The following MEGF9 variants were observed in gnomAD, a reference collection of about 807,000 sequenced individuals.
The protein encoded by MEGF9 is multiple EGF like domains 9, also known as multiple epidermal growth factor-like domains protein 9.
MEGF9 carries 6 observed loss-of-function variants against 46.8 expected under a neutral mutation model. That is an observed-to-expected ratio of 0.13 (90% CI 0.07 to 0.25). The LOEUF (loss-of-function observed/expected upper bound fraction) is 0.25, where lower values mean the gene tolerates loss of function less well. Ranked by LOEUF, MEGF9 falls within the 10% of genes least tolerant of loss-of-function variation. The pLI is 1.00. For synonymous variants in MEGF9, 302 were observed against 330.7 expected (o/e 0.91, Z 0.94); for missense variants, 683 against 792.4 (o/e 0.86, Z 1.66).
intron 2 of MEGF9, among the ~76,000 whole-genome samples, chr9:120,654,036 C>A (rs866177770): frequency 6.6e-6 from 1 of 152,084 alleles, no homozygotes; most frequent in Admixed American, 6.6e-5. Context: ...GTTTTTAGGA[C>A]GGAGGCTGGG....
intron 1 of MEGF9, among the ~76,000 whole-genome samples, chr9:120,669,106 G>A (rs2043737710): frequency 6.6e-6 from 1 of 151,826 alleles, no homozygotes; most frequent in Non-Finnish European, 1.5e-5. Context: ...TATTGTTTTT[G>A]GTTTACAAAA....
chr9:120,714,424 A>C lies in MEGF9; in HGVS notation c.-66T>G. 1 of 1,207,542 alleles carries C rather than the reference A, an allele frequency of 8.3e-7. No homozygotes were observed. The highest frequency in any genetic ancestry group is 1.0e-6 in the Non-Finnish European group (1 of 958,654). 74.8% of individuals were successfully genotyped at this position (1,207,542 alleles called of 1,614,324 possible). A position where few individuals can be genotyped will look rare whatever the true frequency, so the allele number is the denominator to read the frequency against. On this transcript the variant is annotated 5_prime_UTR_variant, in exon 1 of 6. Coordinates refer to ENST00000373930, the MANE Select transcript of MEGF9 (RefSeq NM_001080497.3). ...GCAATCCGACCAAGGAAGCCTCCGC[A>C]ACCGCCGCCGCCACCGCCACCGGGC...
rs552466769 is a variant in MEGF9, at chr9:120,603,916, A to G, written c.*1274T>C. 6.5e-6 allele frequency: 1 copy of G among 152,782 alleles called. No homozygotes were observed. Among genetic ancestry groups the G allele is most frequent in the South Asian group, 2.1e-4 (1 of 4,828 alleles). 9.5% of individuals were successfully genotyped at this position (152,782 alleles called of 1,614,324 possible). A position where few individuals can be genotyped will look rare whatever the true frequency, so the allele number is the denominator to read the frequency against. On this transcript the variant is annotated 3_prime_UTR_variant, in exon 6 of 6. Coordinates refer to ENST00000373930, the MANE Select transcript of MEGF9 (RefSeq NM_001080497.3). ...GGTGAGGGAGGATTATAAATATTTC[A>G]TAGGCATGAAAACTACAGATCCCAA...
chr9:120,652,338 G>A (rs551193930), intron 2 of MEGF9, among the ~76,000 whole-genome samples: 3 of 151,272 alleles, frequency 2.0e-5, no homozygotes, highest in African/African-American at 4.8e-5. Context: ...ATAGGCAGGC[G>A]TGGTGGTGCA....
intron 1 of MEGF9, chr9:120,691,286 G>C (rs2043846849): frequency 3.4e-6 from 1 of 290,292 alleles, no homozygotes; most frequent in African/African-American, 2.3e-5. Context: ...GGCAGGACTG[G>C]CCATGGAGTG....
chr9:120,619,978 G>A (rs566004783), intron 3 of MEGF9, among the ~76,000 whole-genome samples: 4 of 152,306 alleles, frequency 2.6e-5, no homozygotes, highest in African/African-American at 4.8e-5. Flanking sequence ...GTCACTTGAC[G>A]AGAGTGGTTT....
intron 2 of MEGF9, among the ~76,000 whole-genome samples, chr9:120,648,931 C>T (rs1018518057): frequency 6.6e-6 from 1 of 152,150 alleles, no homozygotes; most frequent in Non-Finnish European, 1.5e-5. Flanking sequence ...AATTAAAATG[C>T]AAAATAGTAA....
chr9:120,629,712 C>T (rs771430671), intron 2 of MEGF9, among the ~76,000 whole-genome samples: 7 of 151,872 alleles, frequency 4.6e-5, no homozygotes, highest in Admixed American at 2.0e-4. Context: ...GGAGGATGGA[C>T]CACCTGAGGT....
chr9:120,634,000 A>G (rs2043561486), intron 2 of MEGF9, among the ~76,000 whole-genome samples: 1 of 152,254 alleles, frequency 6.6e-6, no homozygotes, highest in Non-Finnish European at 1.5e-5. Context: ...TTGTAGTCTA[A>G]CATGTGGTCT....
At chr9:120,660,106 C>G (rs1429668980) in intron 1 of MEGF9, among the ~76,000 whole-genome samples, 1 of 151,852 alleles carries the variant, frequency 6.6e-6, no homozygotes, top group Non-Finnish European at 1.5e-5. Flanking sequence ...AGAAAGTTTA[C>G]AGGTTCATCC....
At chr9:120,707,293 T>C (rs560134932) in intron 1 of MEGF9, among the ~76,000 whole-genome samples, 2 of 152,338 alleles carry the variant, frequency 1.3e-5, no homozygotes, top group South Asian at 4.1e-4. Context: ...CAAATTTTCC[T>C]GTAACTCACT....
In MEGF9 at chr9:120,707,213, C is replaced by T. The variant is rs980397023; in HGVS notation, c.601+6545G>A. 4.6e-5 allele frequency among the ~76,000 whole-genome samples: 7 copies of T among 152,126 alleles called. No individual in the cohort carries two copies. In the East Asian group the frequency reaches 1.3e-3, roughly 29 times the overall value. On this transcript the variant is annotated intron_variant, in intron 1 of 5. Transcript: ENST00000373930. Reference sequence around the variant, plus strand: ...CAGTGCCAGGAACATAGTAAGTGTGCTTGTAATTACTATTATAGTAGTCCA... The same window carrying T: ...CAGTGCCAGGAACATAGTAAGTGTGTTTGTAATTACTATTATAGTAGTCCA...
At chr9:120,707,919 C>T (rs949082370) in intron 1 of MEGF9, among the ~76,000 whole-genome samples, 1 of 152,156 alleles carries the variant, frequency 6.6e-6, no homozygotes, top group African/African-American at 2.4e-5. Flanking sequence ...GTTGCGCATG[C>T]CTGTAGTCCC....
chr9:120,608,597 G>T (rs1412144092), intron 4 of MEGF9, among the ~76,000 whole-genome samples: 1 of 152,280 alleles, frequency 6.6e-6, no homozygotes, highest in Non-Finnish European at 1.5e-5. Context: ...ATATGTGTAT[G>T]TGTATCTCTA....
intron 2 of MEGF9, among the ~76,000 whole-genome samples, chr9:120,654,304 G>T (rs1434161416): frequency 6.6e-6 from 1 of 152,144 alleles, no homozygotes; most frequent in African/African-American, 2.4e-5. Flanking sequence ...GAAGCTATCA[G>T]GTAGGCACAC....
At chr9:120,697,343 A>G (rs2043882188) in intron 1 of MEGF9, among the ~76,000 whole-genome samples, 1 of 151,856 alleles carries the variant, frequency 6.6e-6, no homozygotes, top group Admixed American at 6.6e-5. Flanking sequence ...TCAGCCTCCC[A>G]AAGTGCTGGG....
chr9:120,710,032 C>CAA (rs56208944), intron 1 of MEGF9, among the ~76,000 whole-genome samples: 2,611 of 97,870 alleles, frequency 0.027, 102 homozygotes, highest in African/African-American at 0.097. Flanking sequence ...AACTCCGTCT[C>CAA]AAAAAAAAAA....
At chr9:120,616,312 C>T (rs922467704) in intron 3 of MEGF9, among the ~76,000 whole-genome samples, 3 of 151,774 alleles carry the variant, frequency 2.0e-5, no homozygotes, top group Admixed American at 1.3e-4. Context: ...AACCTATATA[C>T]GGTAGAAACT....
intron 1 of MEGF9, among the ~76,000 whole-genome samples, chr9:120,664,077 T>C (rs957698903): frequency 2.0e-5 from 3 of 152,194 alleles, no homozygotes; most frequent in African/African-American, 4.8e-5. Flanking sequence ...AAAAAGATTT[T>C]GTTTACAAGT....
Sources: allele counts gnomAD v4.1 joint callset (sites outside exome capture counted in the v4.1 genomes callset), GRCh38; gene constraint gnomAD v4.1.1; transcripts MANE v1.5; gene names NCBI Gene and HGNC (gene_info 2026-07-23, HGNC 2026-07-21).